Variants in CNKSR3 observed in about 807,000 individuals in gnomAD.
CNKSR3 encodes the protein connector enhancer of kinase suppressor of ras 3.
Under a neutral mutation model 67.7 loss-of-function variants are expected in CNKSR3, and 36 were observed. The ratio of observed to expected loss-of-function variants is 0.53; its 90% CI spans 0.41 to 0.70. The LOEUF is 0.70. CNKSR3 is among the 30% of genes least tolerant of loss of function. The pLI is 0.00. For synonymous variants in CNKSR3, 281 were observed against 271.4 expected, an observed-to-expected ratio of 1.04 and a Z score of -0.35; for missense variants, 630 against 695.2, an observed-to-expected ratio of 0.91 and a Z score of 1.05.
chr6:154,485,266 C>T (rs1194785338), intron 1 of CNKSR3, among the ~76,000 whole-genome samples: 1 of 152,158 alleles, frequency 6.6e-6, no homozygotes, highest in Non-Finnish European at 1.5e-5. Context: ...CTACTCAACA[C>T]ACAAAAATTA....
intron 9 of CNKSR3, among the ~76,000 whole-genome samples, chr6:154,419,762 G>A (rs1294150201): frequency 6.6e-6 from 1 of 152,078 alleles, no homozygotes; most frequent in Non-Finnish European, 1.5e-5. Context: ...ATACACAAGG[G>A]AATGCTATTC....
chr6:154,503,556 G>A (rs1293315417), intron 1 of CNKSR3, among the ~76,000 whole-genome samples: 1 of 151,138 alleles, frequency 6.6e-6, no homozygotes, highest in African/African-American at 2.4e-5. Flanking sequence ...CAAGCCTCAA[G>A]CCCTGGAGTT....
chr6:154,422,085 C>T (rs561738162), intron 9 of CNKSR3, among the ~76,000 whole-genome samples: 4 of 151,742 alleles, frequency 2.6e-5, no homozygotes, highest in African/African-American at 7.3e-5. Context: ...CTCCGCCTCC[C>T]GGGTTCACAC....
chr6:154,477,758 A>G, intron 1 of CNKSR3, among the ~76,000 whole-genome samples: 1 of 152,178 alleles, frequency 6.6e-6, no homozygotes, highest in South Asian at 2.1e-4. Flanking sequence ...ATGGACTCCC[A>G]ATCAATGTGC....
chr6:154,406,690 C>T (rs867720485), intron 12 of CNKSR3, 38 bp from the exon 13 acceptor site: 14 of 1,569,466 alleles, frequency 8.9e-6, no homozygotes, highest in Non-Finnish European at 1.1e-5. Flanking sequence ...ACAATCCCAG[C>T]CGGGCGTGGT....
rs1355429503 is a variant in CNKSR3, at chr6:154,406,288, G to A, written c.*66C>T. 5 of 1,437,536 alleles carry A rather than the reference G, an allele frequency of 3.5e-6. No individual in the cohort carries two copies. The highest frequency in any genetic ancestry group is 4.7e-6 in the Non-Finnish European group (5 of 1,053,676). 89.0% of individuals were successfully genotyped at this position (1,437,536 alleles called of 1,614,324 possible). On this transcript the variant is annotated 3_prime_UTR_variant, in exon 13 of 13. Transcript: ENST00000607772. Reference sequence around the variant, plus strand: ...AATACTGAGGCTGAAACGAGAAGAGGCTGTCCACTGTAAAAGCAAGGCACT... The same window carrying A: ...AATACTGAGGCTGAAACGAGAAGAGACTGTCCACTGTAAAAGCAAGGCACT...
intron 5 of CNKSR3, among the ~76,000 whole-genome samples, chr6:154,431,937 T>C (rs1004408484): frequency 6.6e-6 from 1 of 152,236 alleles, no homozygotes. Context: ...TGCTTCCAAC[T>C]TTTTTGGCAA....
intron 1 of CNKSR3, among the ~76,000 whole-genome samples, chr6:154,469,355 A>G (rs1209986267): frequency 1.3e-5 from 2 of 152,168 alleles, no homozygotes; most frequent in African/African-American, 2.4e-5. Flanking sequence ...TCATCATCGC[A>G]TATGAATAAT....
At chr6:154,496,112 G>A (rs1786873391) in intron 1 of CNKSR3, among the ~76,000 whole-genome samples, 1 of 152,196 alleles carries the variant, frequency 6.6e-6, no homozygotes. Flanking sequence ...ATTTCTGGGA[G>A]TTAAAGCCAA....
intron 1 of CNKSR3, among the ~76,000 whole-genome samples, chr6:154,491,486 T>C (rs988820323): frequency 6.6e-6 from 1 of 152,248 alleles, no homozygotes; most frequent in Non-Finnish European, 1.5e-5. Context: ...TATGATTTCA[T>C]GGCATTCTGA....
chr6:154,424,553 G>A (rs60507907), intron 7 of CNKSR3, among the ~76,000 whole-genome samples: 4,465 of 152,318 alleles, frequency 0.029, 84 homozygotes, highest in Middle Eastern at 0.099. Flanking sequence ...CACACTGGCT[G>A]AAGTTTCTCT....
chr6:154,442,818 T>C (rs1240260505), intron 2 of CNKSR3, among the ~76,000 whole-genome samples: 1 of 152,158 alleles, frequency 6.6e-6, no homozygotes, highest in African/African-American at 2.4e-5. Context: ...AGGGACTTTG[T>C]TCTTGATAGT....
chr6:154,499,722 A>G (rs900389220), intron 1 of CNKSR3, among the ~76,000 whole-genome samples: 1 of 152,104 alleles, frequency 6.6e-6, no homozygotes, highest in Non-Finnish European at 1.5e-5. Context: ...CTCCTGTCTC[A>G]GCCTCCCGAA....
chr6:154,499,682 T>C (rs1303399418), intron 1 of CNKSR3, among the ~76,000 whole-genome samples: 1 of 152,176 alleles, frequency 6.6e-6, no homozygotes, highest in Admixed American at 6.5e-5. Flanking sequence ...GTTGCCCAAG[T>C]TGATCTCGAA....
At chr6:154,479,400 C>T (rs1049641019) in intron 1 of CNKSR3, among the ~76,000 whole-genome samples, 1 of 152,050 alleles carries the variant, frequency 6.6e-6, no homozygotes, top group African/African-American at 2.4e-5. Flanking sequence ...AAAGACCAGC[C>T]CAAGCCACGC....
intron 1 of CNKSR3, among the ~76,000 whole-genome samples, chr6:154,455,461 G>C (rs1785933091): frequency 6.6e-6 from 1 of 151,824 alleles, no homozygotes; most frequent in Non-Finnish European, 1.5e-5. Flanking sequence ...CCAATGCACA[G>C]AAGTCATCTG....
intron 1 of CNKSR3, among the ~76,000 whole-genome samples, chr6:154,463,923 A>G (rs560757651): frequency 6.6e-6 from 1 of 152,246 alleles, no homozygotes; most frequent in South Asian, 2.1e-4. Flanking sequence ...CATCAAACTA[A>G]TCAGGCACCA....
At position 154,510,422 on chromosome 6, in the gene CNKSR3, A is replaced by C; in HGVS notation, c.-308T>G. 6.8e-6 allele frequency: 3 copies of C among 438,518 alleles called. No individual in the cohort carries two copies. The highest frequency in any genetic ancestry group is 1.2e-5 in the Non-Finnish European group (3 of 246,870). The allele number at this position is 438,518 out of a possible 1,614,324, so 27.2% of individuals were successfully genotyped here. On this transcript the variant is annotated 5_prime_UTR_variant, in exon 1 of 13. Coordinates refer to ENST00000607772, the MANE Select transcript of CNKSR3 (RefSeq NM_173515.4). ...CAGGCACGCCGGGCTGCGACCCCAG[A>C]CCCCTGGCCTCGGCTCGGCACGGGA...
At chr6:154,424,014 C>G (rs572850270) in intron 7 of CNKSR3, among the ~76,000 whole-genome samples, 1 of 152,026 alleles carries the variant, frequency 6.6e-6, no homozygotes, top group Non-Finnish European at 1.5e-5. Flanking sequence ...GGGCGGATCA[C>G]GAGGTCAGGA....
Sources: gnomAD v4.1 joint callset for allele counts (sites outside exome capture counted in the v4.1 genomes callset) on GRCh38, gnomAD v4.1.1 for gene constraint, MANE v1.5 for transcripts, NCBI Gene and HGNC (gene_info 2026-07-23, HGNC 2026-07-21) for gene names.